Variants in ZNF25 observed in about 807,000 individuals in gnomAD.
The protein encoded by ZNF25 is zinc finger protein 25 (KOX 19).
In ZNF25, 21 loss-of-function variants were observed where a neutral mutation model predicts 30.9. The observed-to-expected ratio is 0.68, with a 90% CI of 0.48 to 0.98. ZNF25 has a LOEUF of 0.98. Ranked by LOEUF, ZNF25 falls within the 50% of genes least tolerant of loss-of-function variation. ZNF25 has a pLI of 0.00. For missense variants in ZNF25, 501 were observed against 529.9 expected (o/e 0.95, Z 0.54); for synonymous variants, 169 against 181.3 (o/e 0.93, Z 0.55).
chr10:37,966,626 C>G (rs960193922), intron 2 of ZNF25, among the ~76,000 whole-genome samples: 26 of 152,016 alleles, frequency 1.7e-4, no homozygotes, highest in Admixed American at 1.0e-3. Flanking sequence ...ACACTTTTAC[C>G]CAGATCTTGT....
chr10:37,971,587 G>C, intron 2 of ZNF25, 121 bp downstream of exon 2: 1 of 1,494,112 alleles, frequency 6.7e-7, no homozygotes, highest in Non-Finnish European at 9.1e-7. Context: ...CTATTTCTAC[G>C]TTTCTAATTT....
intron 1 of ZNF25, among the ~76,000 whole-genome samples, chr10:37,976,097 T>C (rs560132014): frequency 1.3e-5 from 2 of 152,348 alleles, no homozygotes; most frequent in South Asian, 2.1e-4. Flanking sequence ...TATCATACTT[T>C]ACATCTATTA....
chr10:37,972,497 C>G (rs1336035378), intron 1 of ZNF25, among the ~76,000 whole-genome samples: 1 of 152,130 alleles, frequency 6.6e-6, no homozygotes, highest in Non-Finnish European at 1.5e-5. Flanking sequence ...ACAGACAGTA[C>G]CTGCAATGCA....
Position 37,964,808 on chromosome 10 carries a change from T to C in ZNF25, c.15+6900A>G, listed in dbSNP as rs376274510. On this transcript the variant is annotated intron_variant, in intron 2 of 5. Transcript: ENST00000302609. The stretch of plus-strand genomic sequence containing the variant: ...TGGAGCAACCACTTGCTAGAGAGAT[T>C]AGCATGACTCAAATGGAGCCAAGTA... Among the ~76,000 whole-genome samples, 24 of 152,262 alleles carry C rather than the reference T, an allele frequency of 1.6e-4. No individual in the cohort carries two copies. In the East Asian group the frequency reaches 3.1e-3, roughly 20 times the overall value.
At chr10:37,970,120 C>T (rs1488165764) in intron 2 of ZNF25, among the ~76,000 whole-genome samples, 1 of 152,076 alleles carries the variant, frequency 6.6e-6, no homozygotes, top group Non-Finnish European at 1.5e-5. Flanking sequence ...AATTGGTAAA[C>T]AGTATAAACC....
At chr10:37,961,094 T>G (rs2062844774) in intron 2 of ZNF25, among the ~76,000 whole-genome samples, 1 of 151,926 alleles carries the variant, frequency 6.6e-6, no homozygotes, top group Admixed American at 6.6e-5. Flanking sequence ...CCAAAGAGCA[T>G]CCAGTATAAA....
intron 4 of ZNF25, among the ~76,000 whole-genome samples, chr10:37,954,398 A>C (rs1016959453): frequency 1.3e-5 from 2 of 152,034 alleles, no homozygotes; most frequent in African/African-American, 4.8e-5. Flanking sequence ...TTCACTCTCC[A>C]TCTAGTTGGC....
rs1212845015 is a variant in ZNF25 at position 37,952,178 on chromosome 10, T to C, written c.1320A>G (p.Gln440=). The change falls in exon 6 of 6, where the codon CAA becomes CAG. Residue 440 remains glutamine, a synonymous_variant. Coordinates refer to ENST00000302609, the MANE Select transcript of ZNF25 (RefSeq NM_145011.4). ...TGTGTGTCTTCTGATGTGCAGTGAG[T>C]TGTGACTTCTGGATAAAGGTTTCCC... The part of the protein sequence containing the change: ...ECGETFIQKS[Q]LTAHQKTHTK... The C allele has an allele frequency of 5.0e-6, 8 of 1,607,254 alleles. No individual in the cohort carries two copies. The highest frequency in any genetic ancestry group is 6.8e-6 in the Non-Finnish European group (8 of 1,177,106).
rs578122938 is a variant in ZNF25, at chr10:37,952,329, C to A, written c.1169G>T (p.Arg390Met). 9.3e-6 allele frequency: 15 copies of A among 1,613,206 alleles called. No homozygotes were observed. In the South Asian group the frequency reaches 1.5e-4, roughly 17 times the overall value. Residue 390 changes from arginine to methionine, a missense_variant, in exon 6 of 6, where the codon AGG (arginine) becomes ATG (methionine). Transcript: ENST00000302609. ...ATAGGGCTTCTCTCCTGTGTGAGTC[C>A]TTTGATGTAATCTGAGGACTGAATT... Reference protein sequence around the residue: ...AVNSVLRLHQRTHTGEKPYAC... With the variant: ...AVNSVLRLHQMTHTGEKPYAC...
chr10:37,966,430 A>C (rs567452357), intron 2 of ZNF25, among the ~76,000 whole-genome samples: 1 of 152,038 alleles, frequency 6.6e-6, no homozygotes, highest in Non-Finnish European at 1.5e-5. Context: ...AAAAAAAAAA[A>C]AACTACCTGA....
intron 2 of ZNF25, among the ~76,000 whole-genome samples, chr10:37,962,099 G>A (rs546017485): frequency 6.6e-6 from 1 of 151,636 alleles, no homozygotes; most frequent in Non-Finnish European, 1.5e-5. Context: ...AGCAGGGCAT[G>A]GTGGTAGGCT....
intron 2 of ZNF25, among the ~76,000 whole-genome samples, chr10:37,966,674 A>G (rs2063207415): frequency 6.6e-6 from 1 of 152,134 alleles, no homozygotes; most frequent in African/African-American, 2.4e-5. Context: ...GCAAGGGGGA[A>G]GTCTGCCCCC....
intron 1 of ZNF25, among the ~76,000 whole-genome samples, chr10:37,972,737 G>C (rs2063561243): frequency 2.0e-5 from 3 of 152,056 alleles, no homozygotes; most frequent in South Asian, 2.1e-4. Flanking sequence ...ATCCAAATTG[G>C]AAAGAAAAAA....
intron 2 of ZNF25, among the ~76,000 whole-genome samples, chr10:37,958,389 T>TGA (rs1564768615): frequency 6.6e-6 from 1 of 152,196 alleles, no homozygotes; most frequent in African/African-American, 2.4e-5. Flanking sequence ...TTGGTAGGTA[T>TGA]GATACCTATT....
chr10:37,965,889 G>A (rs2135403875), intron 2 of ZNF25, among the ~76,000 whole-genome samples: 1 of 152,220 alleles, frequency 6.6e-6, no homozygotes, highest in East Asian at 1.9e-4. Context: ...AACATAAAGG[G>A]GGGAGAAACA....
Position 37,957,178 on chromosome 10 carries a change from T to C in ZNF25, c.143-63A>G. 8 of 1,500,706 alleles carry C rather than the reference T, an allele frequency of 5.3e-6. No homozygotes were observed. In the South Asian group the frequency reaches 8.0e-5, roughly 15 times the overall value. 93.0% of individuals were successfully genotyped at this position (1,500,706 alleles called of 1,614,324 possible). A position where few individuals can be genotyped will look rare whatever the true frequency, so the allele number is the denominator to read the frequency against. On this transcript the variant is annotated intron_variant, in intron 3 of 5. Coordinates refer to ENST00000302609, the MANE Select transcript of ZNF25 (RefSeq NM_145011.4). Reference sequence around the variant, plus strand: ...CTTGGAATTTAGGGACTGTGAAAGATGAGGAAGTGGAGTTTCAGGATAATA... The same window carrying C: ...CTTGGAATTTAGGGACTGTGAAAGACGAGGAAGTGGAGTTTCAGGATAATA...
At chr10:37,970,981 C>G (rs2063457296) in intron 2 of ZNF25, among the ~76,000 whole-genome samples, 1 of 152,156 alleles carries the variant, frequency 6.6e-6, no homozygotes, top group African/African-American at 2.4e-5. Context: ...CTCAGAAATA[C>G]TACTCAAATG....
At chr10:37,974,727 G>A (rs2063701313) in intron 1 of ZNF25, among the ~76,000 whole-genome samples, 1 of 152,080 alleles carries the variant, frequency 6.6e-6, no homozygotes, top group African/African-American at 2.4e-5. Flanking sequence ...ATTGAAAACA[G>A]AATTACCATA....
chr10:37,970,090 G>A (rs994346691), intron 2 of ZNF25, among the ~76,000 whole-genome samples: 1 of 152,058 alleles, frequency 6.6e-6, no homozygotes. Context: ...TTGCCATGGT[G>A]GGAGTATTTA....
Sources: gnomAD v4.1 joint callset for allele counts (sites outside exome capture counted in the v4.1 genomes callset) on GRCh38, gnomAD v4.1.1 for gene constraint, MANE v1.5 for transcripts, NCBI Gene and HGNC (gene_info 2026-07-23, HGNC 2026-07-21) for gene names.